The following RRBP1 variants were observed in gnomAD, a reference collection of about 807,000 sequenced individuals.
RRBP1 encodes the protein ribosome binding protein 1.
In RRBP1, 94 loss-of-function variants were observed where a neutral mutation model predicts 165.2. The ratio of observed to expected loss-of-function variants is 0.57; its 90% CI spans 0.48 to 0.68. The LOEUF is 0.68. Among genes scored for constraint, RRBP1 ranks in the 30% least tolerant of loss-of-function variants. The probability of loss-of-function intolerance (pLI) is 0.00; values close to 1 mark genes in which losing one functional copy is unlikely to be tolerated. For synonymous variants in RRBP1, 680 were observed against 714.5 expected (o/e 0.95, Z 0.77); for missense variants, 1,676 against 1,763.0 (o/e 0.95, Z 0.88).
At chr20:17,661,874 A>G (rs907079224) in intron 2 of RRBP1, among the ~76,000 whole-genome samples, 5 of 152,200 alleles carry the variant, frequency 3.3e-5, no homozygotes, top group Admixed American at 3.3e-4. Flanking sequence ...AAGGAAACAG[A>G]GTAGGAATCA....
At chr20:17,661,238 C>T (rs533835196) in intron 2 of RRBP1, among the ~76,000 whole-genome samples, 2 of 152,328 alleles carry the variant, frequency 1.3e-5, no homozygotes, top group African/African-American at 4.8e-5. Flanking sequence ...TTCTGCATTA[C>T]AATCCTGAAA....
At chr20:17,681,093 G>A (rs1417832521) in intron 1 of RRBP1, among the ~76,000 whole-genome samples, 2 of 151,668 alleles carry the variant, frequency 1.3e-5, no homozygotes, top group East Asian at 3.9e-4. Flanking sequence ...CGGGAGAGCC[G>A]GCCGGGCCGG....
chr20:17,658,494 A>T, intron 3 of RRBP1, 102 bp downstream of exon 3: 2 of 1,014,270 alleles, frequency 2.0e-6, no homozygotes, highest in South Asian at 1.7e-5. Flanking sequence ...CAGCCTTATT[A>T]TGACAATAGC....
chr20:17,653,242 T>C (rs2036589188), intron 3 of RRBP1, among the ~76,000 whole-genome samples: 1 of 152,164 alleles, frequency 6.6e-6, no homozygotes, highest in Admixed American at 6.5e-5. Context: ...AAAAGCAGAC[T>C]AACTGTGAGG....
chr20:17,663,004 C>A (rs2122464926), intron 2 of RRBP1, among the ~76,000 whole-genome samples: 1 of 152,200 alleles, frequency 6.6e-6, no homozygotes, highest in East Asian at 1.9e-4. Flanking sequence ...AGTGAGACCC[C>A]ATCTCTATTT....
chr20:17,622,067 AG>A (rs1424030885), intron 13 of RRBP1, 120 bp from the exon 14 acceptor site: 15 of 725,402 alleles, frequency 2.1e-5, no homozygotes, highest in Non-Finnish European at 3.6e-5. Context: ...TCAGCTCTTC[AG>A]GGAAGCGACA....
In RRBP1 at chr20:17,636,698, G is replaced by A. The variant is rs1379576340; in HGVS notation, c.2216C>T (p.Ala739Val). 6.2e-7 allele frequency: 1 copy of A among 1,613,200 alleles called. No individual in the cohort carries two copies. The highest frequency in any genetic ancestry group is 1.7e-5 in the Admixed American group (1 of 60,034). Residue 739 changes from alanine to valine, a missense_variant, in exon 6 of 25, where the codon GCC becomes GTC. By Grantham distance (64) the Ala-to-Val change is moderately conservative. Transcript: ENST00000377813. The part of the protein sequence containing the change: ...EMAAEKAKAA[A>V]GEAKVKKQLV... ...CTGCTTTTTCACTTTGGCCTCCCCG[G>A]CTGCTGCTTTGGCCTTTTCTGCTGC...
intron 3 of RRBP1, among the ~76,000 whole-genome samples, chr20:17,644,293 G>A (rs997573304): frequency 3.9e-5 from 6 of 152,104 alleles, no homozygotes; most frequent in Admixed American, 1.3e-4. Context: ...GGCCTAAGAG[G>A]TCATGGGTGC....
intron 3 of RRBP1, among the ~76,000 whole-genome samples, chr20:17,647,971 A>T (rs781433036): frequency 2.0e-5 from 3 of 152,186 alleles, no homozygotes; most frequent in Non-Finnish European, 4.4e-5. Flanking sequence ...AAGAAGGTGA[A>T]GACCCTGGGG....
Position 17,660,241 on chromosome 20 carries a change from G to C in RRBP1, c.267C>G (p.Ala89=). ...PNGKIPDHDP[A]PNVTVLLREP... is the part of the protein sequence containing the mutation. ...CTCGAAGGAGGACAGTCACATTGGG[G>C]GCTGGATCATGATCAGGTATCTTCC... The change falls in exon 3 of 25, where the codon GCC becomes GCG. Residue 89 remains alanine, a synonymous_variant. Transcript: ENST00000377813. The C allele has an allele frequency of 6.2e-7, 1 of 1,612,302 alleles. No individual in the cohort carries two copies. Among genetic ancestry groups the C allele is most frequent in the Non-Finnish European group, 8.5e-7 (1 of 1,179,060 alleles).
At chr20:17,661,638 T>C (rs1228045213) in intron 2 of RRBP1, among the ~76,000 whole-genome samples, 2 of 151,950 alleles carry the variant, frequency 1.3e-5, no homozygotes, top group Admixed American at 6.6e-5. Context: ...CTAAAGAAGA[T>C]CGATGGAATG....
intron 8 of RRBP1, among the ~76,000 whole-genome samples, chr20:17,630,724 C>T (rs574270247): frequency 1.3e-5 from 2 of 152,304 alleles, no homozygotes; most frequent in African/African-American, 4.8e-5. Context: ...TTAACCAGCC[C>T]TTTGGAGAAC....
intron 19 of RRBP1, 59 bp from the exon 20 acceptor site, chr20:17,618,738 T>C: frequency 1.5e-6 from 2 of 1,320,052 alleles, no homozygotes; most frequent in African/African-American, 1.4e-5. Context: ...AGAAAACCAG[T>C]CCCCGTGAGT....
intron 3 of RRBP1, among the ~76,000 whole-genome samples, chr20:17,653,110 A>AT (rs2036586242): frequency 6.6e-6 from 1 of 152,252 alleles, no homozygotes; most frequent in South Asian, 2.1e-4. Context: ...ACGGCCAAGC[A>AT]TCCAGAGAGC....
chr20:17,648,485 G>C (rs1219368625), intron 3 of RRBP1, among the ~76,000 whole-genome samples: 1 of 152,262 alleles, frequency 6.6e-6, no homozygotes. Flanking sequence ...GCAGGCCAAG[G>C]AGGCGCAGCT....
Position 17,658,653 on chromosome 20 carries a change from G to A in RRBP1, c.1855C>T (p.Pro619Ser), listed in dbSNP as rs2036689622. 2 of 1,613,110 alleles carry A rather than the reference G, an allele frequency of 1.2e-6. No homozygotes were observed. Among genetic ancestry groups the A allele is most frequent in the East Asian group, 4.5e-5 (2 of 44,860 alleles). ...TTCTTGGCAGGAGCCTCTTGCTTTG[G>A]TGCCTCTGGGCTCTGGGCCACATCT... ...NTDVAQSPEA[P>S]KQEAPAKKKS... Residue 619 changes from proline (P) to serine (S), a missense_variant, in exon 3 of 25, where the codon CCA becomes TCA. Pro to Ser is a moderately conservative substitution (Grantham distance 74). Around this residue, in one of 5 missense-constraint regions of RRBP1, gnomAD observed 1,184 missense variants for 1,167.1 expected, o/e 1.01. Coordinates refer to ENST00000377813, the MANE Select transcript of RRBP1 (RefSeq NM_001365613.2).
chr20:17,615,601 C>G (rs559172585), intron 22 of RRBP1, 72 bp from the exon 23 acceptor site: 1 of 1,317,984 alleles, frequency 7.6e-7, no homozygotes, highest in African/African-American at 1.5e-5. Context: ...CCCTACCGAG[C>G]ACGCCTGGGG....
At chr20:17,636,794 A>C (rs1348140070) in intron 5 of RRBP1, 65 bp from the exon 6 acceptor site, 1 of 1,591,654 alleles carries the variant, frequency 6.3e-7, no homozygotes, top group Non-Finnish European at 8.6e-7. Flanking sequence ...ATCAGAAGGG[A>C]GCAAGAGCAT....
intron 1 of RRBP1, among the ~76,000 whole-genome samples, 196 bp from the exon 2 acceptor site, chr20:17,680,271 A>C (rs887637904): frequency 1.3e-5 from 2 of 152,206 alleles, no homozygotes; most frequent in Admixed American, 6.5e-5. Context: ...CCAGCTGCAC[A>C]GGGCGGGGTA....
Sources: gnomAD v4.1 joint callset for allele counts (sites outside exome capture counted in the v4.1 genomes callset) on GRCh38, gnomAD v4.1.1 for gene constraint, gnomAD v4.1.1 regional missense constraint, MANE v1.5 for transcripts, NCBI Gene and HGNC (gene_info 2026-07-23, HGNC 2026-07-21) for gene names.